The following LILRA1 variants were observed in gnomAD, a reference collection of about 807,000 sequenced individuals.
The protein encoded by LILRA1 is leukocyte immunoglobulin-like receptor subfamily A member 1.
LILRA1 carries 51 observed loss-of-function variants against 51.6 expected under a neutral mutation model. The ratio of observed to expected loss-of-function variants is 0.99; its 90% CI spans 0.79 to 1.25. LILRA1 has a LOEUF of 1.25. LILRA1 is among the 50% of genes most tolerant of loss of function. LILRA1 has a pLI of 0.00. For missense variants in LILRA1, 660 were observed against 611.7 expected, an observed-to-expected ratio of 1.08 and a Z score of -0.83; for synonymous variants, 305 against 248.4, an observed-to-expected ratio of 1.23 and a Z score of -2.14.
At position 54,601,136 on chromosome 19, in the gene LILRA1, C is replaced by T. The variant is rs1221108840; in HGVS notation, c.*319C>T. On this transcript the variant is annotated 3_prime_UTR_variant, in exon 10 of 10. Coordinates refer to ENST00000251372, the MANE Select transcript of LILRA1 (RefSeq NM_006863.4). ...CCCACATGGCAGCGTTGGGTCCACACCTCTGCACATCTGTGTGCTCTGGTC... is the reference window on the plus strand; with the variant it reads ...CCCACATGGCAGCGTTGGGTCCACATCTCTGCACATCTGTGTGCTCTGGTC... 2.2e-6 allele frequency: 1 copy of T among 457,582 alleles called. No homozygotes were observed. The highest frequency in any genetic ancestry group is 4.0e-6 in the Non-Finnish European group (1 of 249,324). 28.3% of individuals were successfully genotyped at this position (457,582 alleles called of 1,614,324 possible).
rs751176701 is a variant in LILRA1 at position 54,600,533 on chromosome 19, C to T, written c.1334C>T (p.Pro445Leu). The T allele has an allele frequency of 6.2e-7, 1 of 1,613,988 alleles. No homozygotes were observed. Among genetic ancestry groups the T allele is most frequent in the African/African-American group, 1.3e-5 (1 of 74,878 alleles). The change falls in exon 9 of 10, where the codon CCA becomes CTA. Residue 445 changes from proline (P) to leucine (L), a missense_variant. Coordinates refer to ENST00000251372, the MANE Select transcript of LILRA1 (RefSeq NM_006863.4). ...SKAGAANTLS[P>L]SQNKTASHPQ... Reference sequence around the variant, plus strand: ...TCAGGAGCAGCTAACACCCTCAGCCCATCACAAAACAAGACTGGTGAGTGA... The same window carrying T: ...TCAGGAGCAGCTAACACCCTCAGCCTATCACAAAACAAGACTGGTGAGTGA...
intron 7 of LILRA1, among the ~76,000 whole-genome samples, chr19:54,598,478 G>A (rs1196106197): frequency 1.3e-5 from 2 of 152,158 alleles, no homozygotes; most frequent in African/African-American, 2.4e-5. Flanking sequence ...GAAACCCGGG[G>A]GAGGTCAGCG....
intron 8 of LILRA1, among the ~76,000 whole-genome samples, chr19:54,600,285 G>T (rs568621067): frequency 6.6e-6 from 1 of 152,274 alleles, no homozygotes; most frequent in South Asian, 2.1e-4. Flanking sequence ...AGCTCCCAGA[G>T]TGCAGGAAAA....
At chr19:54,599,392 C>T in intron 8 of LILRA1, 106 bp downstream of exon 8, 2 of 1,413,946 alleles carry the variant, frequency 1.4e-6, no homozygotes, top group East Asian at 3.6e-5. Flanking sequence ...TACATTCATT[C>T]TAATTTAAAG....
intron 7 of LILRA1, 102 bp downstream of exon 7, chr19:54,596,593 C>T: frequency 1.3e-6 from 2 of 1,515,822 alleles, no homozygotes; most frequent in East Asian, 2.3e-5. Flanking sequence ...GTTGGCTGGG[C>T]ACGGTGGCTT....
Position 54,596,217 on chromosome 19 carries a change from G to T in LILRA1, c.987G>T (p.Ser329=), listed in dbSNP as rs138767008. 33 of 1,557,340 alleles carry T rather than the reference G, an allele frequency of 2.1e-5. No individual in the cohort carries two copies. The African/African-American group carries it at 4.4e-4, about 21-fold the overall frequency. ...AGTTCCGTGGCAGACCCTTCATCTC[G>T]GTGCATCCGGGCCCCACGGTGGCCT... ...AGQFRGRPFI[S]VHPGPTVASG... The change falls in exon 7 of 10, where the codon TCG becomes TCT. Residue 329 remains serine (S), a synonymous_variant. Transcript: ENST00000251372.
intron 2 of LILRA1, 70 bp from the exon 3 acceptor site, chr19:54,594,371 A>G: frequency 6.2e-7 from 1 of 1,614,128 alleles, no homozygotes; most frequent in Non-Finnish European, 8.5e-7. Context: ...AGGGGCTCAC[A>G]AAGATCCCAG....
At chr19:54,596,943 A>T (rs2063071454) in intron 7 of LILRA1, among the ~76,000 whole-genome samples, 1 of 152,004 alleles carries the variant, frequency 6.6e-6, no homozygotes, top group African/African-American at 2.4e-5. Flanking sequence ...GGAGGGTGGA[A>T]ATAGACGGGG....
intron 6 of LILRA1, 55 bp from the exon 7 acceptor site, chr19:54,596,134 G>A: frequency 5.1e-6 from 8 of 1,577,952 alleles, no homozygotes; most frequent in Non-Finnish European, 6.9e-6. Flanking sequence ...AGCCTGGGGA[G>A]GCGTCAGCTC....
intron 7 of LILRA1, among the ~76,000 whole-genome samples, chr19:54,598,080 C>T (rs1343421725): frequency 6.6e-6 from 1 of 151,624 alleles, no homozygotes; most frequent in Non-Finnish European, 1.5e-5. Context: ...AGGGACCGTG[C>T]ACCTGCTCCC....
intron 9 of LILRA1, 28 bp downstream of exon 9, chr19:54,600,578 G>A (rs759936632): frequency 3.1e-6 from 5 of 1,613,870 alleles, no homozygotes; most frequent in African/African-American, 1.3e-5. Flanking sequence ...CTCGTTTACG[G>A]TGCTGGGCAC....
intron 8 of LILRA1, 84 bp from the exon 9 acceptor site, chr19:54,600,428 G>A: frequency 2.1e-6 from 3 of 1,398,238 alleles, no homozygotes; most frequent in Non-Finnish European, 3.0e-6. Context: ...TAGAACTCAT[G>A]TCAGAAGACA....
At position 54,601,184 on chromosome 19, in the gene LILRA1, T is replaced by C. The variant is rs188587623; in HGVS notation, c.*367T>C. 1 of 293,850 alleles carries C rather than the reference T, an allele frequency of 3.4e-6. No homozygotes were observed. The highest frequency in any genetic ancestry group is 6.4e-6 in the Non-Finnish European group (1 of 155,374). 18.2% of individuals were successfully genotyped at this position (293,850 alleles called of 1,614,324 possible). A position where few individuals can be genotyped will look rare whatever the true frequency, so the allele number is the denominator to read the frequency against. On this transcript the variant is annotated 3_prime_UTR_variant, in exon 10 of 10. Coordinates refer to ENST00000251372, the MANE Select transcript of LILRA1 (RefSeq NM_006863.4). ...GTCCATGGTGTGTAACACAGTCTTC[T>C]TTATTACTCATTGCCATACTCCCTG...
rs1331456080 is a variant in LILRA1 at position 54,595,292 on chromosome 19, T to A, written c.551T>A (p.Val184Glu). Residue 184 changes from valine to glutamate, a missense_variant, in exon 5 of 10, where the codon GTG becomes GAG. Val to Glu is a moderately radical substitution (Grantham distance 121). Transcript: ENST00000251372. ...GGGTGGTCCCGGGCCATCTTCTCTG[T>A]GGGCCCCGTGAGCCCGAGTCGCAGG... ...THGWSRAIFS[V>E]GPVSPSRRWS... The A allele has an allele frequency of 6.2e-7, 1 of 1,614,098 alleles. No individual in the cohort carries two copies. The highest frequency in any genetic ancestry group is 1.7e-5 in the Admixed American group (1 of 60,012).
rs1191322265 is a variant in LILRA1, at chr19:54,600,890, G to A, written c.*73G>A. On this transcript the variant is annotated 3_prime_UTR_variant, in exon 10 of 10. Coordinates refer to ENST00000251372, the MANE Select transcript of LILRA1 (RefSeq NM_006863.4). ...GTGGTGGAGCCTTGGGAACAGATCT[G>A]ATGATGCCAGGAGGTTCCGGGAGAC... 1 of 1,553,874 alleles carries A rather than the reference G, an allele frequency of 6.4e-7. No individual in the cohort carries two copies. Among genetic ancestry groups the A allele is most frequent in the Admixed American group, 1.7e-5 (1 of 59,892 alleles).
At chr19:54,597,774 A>T (rs1600272252) in intron 7 of LILRA1, among the ~76,000 whole-genome samples, 1 of 151,870 alleles carries the variant, frequency 6.6e-6, no homozygotes. Flanking sequence ...ACAAGAGAGG[A>T]GGCCTTGGTG....
chr19:54,594,218 C>A lies in LILRA1; in HGVS notation c.-27C>A, dbSNP rs764599944. The A allele has an allele frequency of 3.1e-6, 5 of 1,612,752 alleles. No homozygotes were observed. The African/African-American group carries it at 4.0e-5, about 13-fold the overall frequency. On this transcript the variant is annotated 5_prime_UTR_variant, in exon 2 of 10. Coordinates refer to ENST00000251372, the MANE Select transcript of LILRA1 (RefSeq NM_006863.4). ...CCAGCACCGAGGGCTCATCCATCCG[C>A]AGAGCAGGGCAGTGGGAGGAGACGC...
At chr19:54,596,953 G>A (rs2063071810) in intron 7 of LILRA1, among the ~76,000 whole-genome samples, 1 of 144,258 alleles carries the variant, frequency 6.9e-6, no homozygotes, top group Admixed American at 7.0e-5. Flanking sequence ...AATAGACGGG[G>A]CCTCCCACCC....
rs763736085 is a variant in LILRA1, at chr19:54,600,746, A to T, written c.1399A>T (p.Ile467Leu). 29 of 1,613,960 alleles carry T rather than the reference A, an allele frequency of 1.8e-5. No homozygotes were observed. Among genetic ancestry groups the T allele is most frequent in the Non-Finnish European group, 2.4e-5 (28 of 1,180,010 alleles). ...YTVENLIRMG[I>L]AGLVLVVLGI... is the part of the protein sequence containing the mutation. ...AGTGGAGAATCTCATCCGCATGGGCATAGCTGGCTTGGTCCTGGTGGTCCT... is the reference window on the plus strand; with the variant it reads ...AGTGGAGAATCTCATCCGCATGGGCTTAGCTGGCTTGGTCCTGGTGGTCCT... The change falls in exon 10 of 10, where the codon ATA (isoleucine) becomes TTA (leucine). Residue 467 changes from isoleucine (I) to leucine (L), a missense_variant. Coordinates refer to ENST00000251372, the MANE Select transcript of LILRA1 (RefSeq NM_006863.4).
Sources: allele counts gnomAD v4.1 joint callset (sites outside exome capture counted in the v4.1 genomes callset), GRCh38; gene constraint gnomAD v4.1.1; transcripts MANE v1.5; gene names NCBI Gene and HGNC (gene_info 2026-07-23, HGNC 2026-07-21).